The following SLC25A36 variants were observed in gnomAD, a reference collection of about 807,000 sequenced individuals.
SLC25A36 encodes solute carrier family 25 member 36, also known as epididymis secretory sperm binding protein.
A neutral mutation model predicts 35.3 loss-of-function variants in SLC25A36; 24 were observed. The observed-to-expected ratio is 0.68, with a 90% CI of 0.49 to 0.96. The LOEUF is 0.96. Among genes scored for constraint, SLC25A36 ranks in the 40% least tolerant of loss-of-function variants. The probability of loss-of-function intolerance (pLI) is 0.00; values close to 1 mark genes in which losing one functional copy is unlikely to be tolerated. For synonymous variants in SLC25A36, 141 were observed against 132.2 expected, an observed-to-expected ratio of 1.07 and a Z score of -0.46; for missense variants, 294 against 381.1, an observed-to-expected ratio of 0.77 and a Z score of 1.90.
intron 4 of SLC25A36, chr3:140,966,687 ATCT>A (rs1243537781): frequency 2.9e-6 from 1 of 341,498 alleles, no homozygotes; most frequent in East Asian, 7.5e-5. Context: ...GGCAGAATTG[ATCT>A]TCTTTTAGGT....
At chr3:140,942,449 T>TG in intron 1 of SLC25A36, 1 of 190,638 alleles carries the variant, frequency 5.2e-6, no homozygotes, top group Non-Finnish European at 1.1e-5. Context: ...GGGCAAGAGC[T>TG]GGGGTCGGCG....
chr3:140,958,958 TTTTGTGTGTGTGTGTGTGTG>T (rs1934553068), intron 2 of SLC25A36, among the ~76,000 whole-genome samples: 1 of 126,138 alleles, frequency 7.9e-6, no homozygotes, highest in Admixed American at 8.0e-5. Flanking sequence ...AAAAACAATG[TTTTGTGTGTGTGTGTGTGTG>T]TGTGTGTGTG....
In SLC25A36 at chr3:140,980,455, A is replaced by T. The variant is rs527992587; in HGVS notation, c.*4002A>T. 2.0e-5 allele frequency among the ~76,000 whole-genome samples: 3 copies of T among 152,308 alleles called. No homozygotes were observed. The highest frequency in any genetic ancestry group is 3.4e-3 in the Middle Eastern group (1 of 294). ...AGGACGAAATATATTTTGTATTTCA[A>T]CATTGACATAAATCTGAAATTGTTG... On this transcript the variant is annotated 3_prime_UTR_variant, in exon 7 of 7. Coordinates refer to ENST00000324194, the MANE Select transcript of SLC25A36 (RefSeq NM_001104647.3).
rs1449975607 is a variant in SLC25A36, at chr3:140,977,019, A to G, written c.*566A>G. On this transcript the variant is annotated 3_prime_UTR_variant, in exon 7 of 7. Transcript: ENST00000324194. The stretch of plus-strand genomic sequence containing the variant: ...ATATCTTGTATATTTTTTAGCATCA[A>G]AATGTTTTGGTTTCCACTGCTGACA... 1 of 152,192 alleles carries G rather than the reference A, an allele frequency of 6.6e-6. No individual in the cohort carries two copies. The highest frequency in any genetic ancestry group is 2.1e-4 in the South Asian group (1 of 4,830). The allele number at this position is 152,192 out of a possible 1,614,324, so 9.4% of individuals were successfully genotyped here. A position where few individuals can be genotyped will look rare whatever the true frequency, so the allele number is the denominator to read the frequency against.
intron 1 of SLC25A36, among the ~76,000 whole-genome samples, chr3:140,946,914 A>G (rs1934181067): frequency 6.6e-6 from 1 of 152,188 alleles, no homozygotes; most frequent in Non-Finnish European, 1.5e-5. Flanking sequence ...AAGTGGTGCC[A>G]TGAGCCTAGT....
At position 140,980,721 on chromosome 3, in the gene SLC25A36, ACG is replaced by A. The variant is rs1238256645; in HGVS notation, c.*4269_*4270del. Among the ~76,000 whole-genome samples, 5 of 107,496 alleles carry A rather than the reference ACG, an allele frequency of 4.7e-5. No individual in the cohort carries two copies. Among genetic ancestry groups the A allele is most frequent in the Non-Finnish European group, 6.9e-5 (4 of 57,626 alleles). The allele number at this position is 107,496 out of a possible 152,430, so 70.5% of individuals were successfully genotyped here. ...CCCCCCCCCCTTTTAATATATATACACGGAGCTTCACTCTTGTCACCCATGCT... is the reference window on the plus strand; with the variant it reads ...CCCCCCCCCCTTTTAATATATATACAGAGCTTCACTCTTGTCACCCATGCT... On this transcript the variant is annotated 3_prime_UTR_variant, in exon 7 of 7. Coordinates refer to ENST00000324194, the MANE Select transcript of SLC25A36 (RefSeq NM_001104647.3).
chr3:140,970,824 A>C (rs137960027), intron 4 of SLC25A36, 103 bp from the exon 5 acceptor site: 2 of 607,716 alleles, frequency 3.3e-6, no homozygotes, highest in Non-Finnish European at 6.0e-6. Flanking sequence ...TAGTTTATTT[A>C]TATACATTTT....
rs1935106114 is a variant in SLC25A36, at chr3:140,978,411, C to A, written c.*1958C>A. 2 of 152,120 alleles carry A rather than the reference C, an allele frequency of 1.3e-5. No homozygotes were observed. Among genetic ancestry groups the A allele is most frequent in the Non-Finnish European group, 2.9e-5 (2 of 68,030 alleles). 9.4% of individuals were successfully genotyped at this position (152,120 alleles called of 1,614,324 possible). A position where few individuals can be genotyped will look rare whatever the true frequency, so the allele number is the denominator to read the frequency against. On this transcript the variant is annotated 3_prime_UTR_variant, in exon 7 of 7. Transcript: ENST00000324194. ...CCATTTCTACTGCCTAATACAGTGC[C>A]ATTTGCCTTGTGAAGACCCATAAAC...
rs1319594646 is a variant in SLC25A36 at position 140,978,400 on chromosome 3, T to G, written c.*1947T>G. The stretch of plus-strand genomic sequence containing the variant: ...CTTTTCAGGTGCCATTTCTACTGCC[T>G]AATACAGTGCCATTTGCCTTGTGAA... On this transcript the variant is annotated 3_prime_UTR_variant, in exon 7 of 7. Coordinates refer to ENST00000324194, the MANE Select transcript of SLC25A36 (RefSeq NM_001104647.3). The G allele has an allele frequency of 6.6e-6, 1 of 152,198 alleles. No individual in the cohort carries two copies. Among genetic ancestry groups the G allele is most frequent in the Non-Finnish European group, 1.5e-5 (1 of 68,034 alleles). 9.4% of individuals were successfully genotyped at this position (152,198 alleles called of 1,614,324 possible).
chr3:140,950,643 A>G (rs1050891416), intron 1 of SLC25A36, among the ~76,000 whole-genome samples: 4 of 152,184 alleles, frequency 2.6e-5, no homozygotes, highest in Non-Finnish European at 5.9e-5. Context: ...TTGGTTTGGT[A>G]TAGAATTTTA....
chr3:140,946,687 G>A (rs1559809344), intron 1 of SLC25A36, among the ~76,000 whole-genome samples: 1 of 152,142 alleles, frequency 6.6e-6, no homozygotes, highest in African/African-American at 2.4e-5. Flanking sequence ...TTTTAGTTTG[G>A]GCACCTGGAA....
rs75174363 is a variant in SLC25A36 at position 140,956,506 on chromosome 3, CTTTTTTTTTTT to C, written c.42-13_42-3del. The stretch of plus-strand genomic sequence containing the variant: ...ATGAATTAAGTAGATAAGCTGTGTT[CTTTTTTTTTTT>C]TTTTTTTAGATGTGGTGGTACAGTG... On this transcript the variant is annotated splice_polypyrimidine_tract_variant and intron_variant, in intron 1 of 6. Transcript: ENST00000324194. The C allele has an allele frequency of 7.0e-7, 1 of 1,424,592 alleles. No homozygotes were observed. Among genetic ancestry groups the C allele is most frequent in the Non-Finnish European group, 9.2e-7 (1 of 1,089,986 alleles). The allele number at this position is 1,424,592 out of a possible 1,614,324, so 88.2% of individuals were successfully genotyped here.
intron 4 of SLC25A36, 99 bp from the exon 5 acceptor site, chr3:140,970,828 A>G: frequency 1.6e-6 from 1 of 618,330 alleles, no homozygotes; most frequent in Non-Finnish European, 3.0e-6. Flanking sequence ...TTATTTATAT[A>G]CATTTTCTTG....
chr3:140,971,339 G>A (rs1934895539), intron 5 of SLC25A36, among the ~76,000 whole-genome samples: 1 of 152,114 alleles, frequency 6.6e-6, no homozygotes, highest in South Asian at 2.1e-4. Context: ...CAGAAGCTAA[G>A]TAAGCCACAA....
chr3:140,979,299 G>T lies in SLC25A36; in HGVS notation c.*2846G>T, dbSNP rs1935130476. Reference sequence around the variant, plus strand: ...CTATTACTGGGTTACAGACATTTCAGCATTTTTAGGTTGGTTTTAAATCAC... The same window carrying T: ...CTATTACTGGGTTACAGACATTTCATCATTTTTAGGTTGGTTTTAAATCAC... On this transcript the variant is annotated 3_prime_UTR_variant, in exon 7 of 7. Transcript: ENST00000324194. 1.3e-5 allele frequency: 2 copies of T among 152,104 alleles called. No individual in the cohort carries two copies. The allele number at this position is 152,104 out of a possible 1,614,324, so 9.4% of individuals were successfully genotyped here. A position where few individuals can be genotyped will look rare whatever the true frequency, so the allele number is the denominator to read the frequency against.
intron 2 of SLC25A36, among the ~76,000 whole-genome samples, chr3:140,957,765 A>G (rs1051784045): frequency 1.3e-5 from 2 of 152,214 alleles, no homozygotes; most frequent in Non-Finnish European, 1.5e-5. Context: ...ATAGTTATAC[A>G]TAAATACTTC....
intron 1 of SLC25A36, among the ~76,000 whole-genome samples, chr3:140,946,338 G>GT (rs1484926245): frequency 6.6e-6 from 1 of 152,182 alleles, no homozygotes; most frequent in African/African-American, 2.4e-5. Flanking sequence ...CCTAGCCCTG[G>GT]TAAGAGTGAG....
At chr3:140,974,919 A>G (rs1017545511) in intron 6 of SLC25A36, among the ~76,000 whole-genome samples, 1 of 151,994 alleles carries the variant, frequency 6.6e-6, no homozygotes, top group African/African-American at 2.4e-5. Context: ...GACTTTTCTA[A>G]AAGAAGTCAA....
chr3:140,948,638 A>G (rs1159964637), intron 1 of SLC25A36, among the ~76,000 whole-genome samples: 1 of 152,232 alleles, frequency 6.6e-6, no homozygotes, highest in Admixed American at 6.5e-5. Flanking sequence ...AATAATATGC[A>G]CATACAAATA....
Sources: allele counts gnomAD v4.1 joint callset (sites outside exome capture counted in the v4.1 genomes callset), GRCh38; gene constraint gnomAD v4.1.1; transcripts MANE v1.5; gene names NCBI Gene and HGNC (gene_info 2026-07-23, HGNC 2026-07-21).